The following WWC2 variants were observed in gnomAD, a reference collection of about 807,000 sequenced individuals.
WWC2 encodes the protein protein WWC2.
In WWC2, 101 loss-of-function variants were observed where a neutral mutation model predicts 138.5. The ratio of observed to expected loss-of-function variants is 0.73; its 90% CI spans 0.62 to 0.86. The LOEUF (loss-of-function observed/expected upper bound fraction) is 0.86. Among genes scored for constraint, WWC2 ranks in the 40% least tolerant of loss-of-function variants. The pLI, the probability that WWC2 is intolerant of heterozygous loss-of-function variation, is 0.00. For synonymous variants in WWC2, 558 were observed against 538.4 expected (o/e 1.04, Z -0.50); for missense variants, 1,420 against 1,419.4 (o/e 1.00, Z -0.01).
chr4:183,239,397 A>G (rs1736543060), intron 4 of WWC2, among the ~76,000 whole-genome samples: 2 of 152,114 alleles, frequency 1.3e-5, no homozygotes, highest in African/African-American at 2.4e-5. Context: ...TTGTGAGAAG[A>G]CCTTTATTAG....
intron 1 of WWC2, among the ~76,000 whole-genome samples, chr4:183,122,064 C>T (rs991040531): frequency 3.9e-5 from 6 of 152,154 alleles, no homozygotes; most frequent in Admixed American, 6.5e-5. Context: ...GGATTACAGG[C>T]GTGAGCCACC....
chr4:183,168,353 G>A (rs756128023), intron 1 of WWC2, among the ~76,000 whole-genome samples: 3 of 152,032 alleles, frequency 2.0e-5, no homozygotes, highest in African/African-American at 4.8e-5. Flanking sequence ...TTACTACAGT[G>A]TACAGTGAAA....
intron 1 of WWC2, among the ~76,000 whole-genome samples, chr4:183,155,142 A>C (rs1266306355): frequency 1.3e-5 from 2 of 151,392 alleles, no homozygotes; most frequent in African/African-American, 2.4e-5. Context: ...TAGGGCTGTC[A>C]TACTGCTTAT....
intron 8 of WWC2, among the ~76,000 whole-genome samples, chr4:183,250,541 CTA>C (rs1002074655): frequency 1.3e-5 from 2 of 152,084 alleles, no homozygotes; most frequent in African/African-American, 4.8e-5. Context: ...AATCCCTGTG[CTA>C]TCTTTTACTT....
At chr4:183,170,198 C>T (rs1403609343) in intron 1 of WWC2, among the ~76,000 whole-genome samples, 2 of 152,176 alleles carry the variant, frequency 1.3e-5, no homozygotes, top group Non-Finnish European at 2.9e-5. Context: ...GAATGATTTC[C>T]ACTGTAGAAA....
chr4:183,283,680 C>CTTT (rs1738154578), intron 18 of WWC2, among the ~76,000 whole-genome samples: 1 of 152,122 alleles, frequency 6.6e-6, no homozygotes, highest in Admixed American at 6.5e-5. Context: ...ATTTTTGTTA[C>CTTT]ATTTCTAAAG....
chr4:183,186,259 T>G (rs1423182466), intron 1 of WWC2, among the ~76,000 whole-genome samples: 4 of 152,230 alleles, frequency 2.6e-5, no homozygotes, highest in Non-Finnish European at 5.9e-5. Context: ...TAGAATATTG[T>G]AAGCATTGAA....
intron 21 of WWC2, among the ~76,000 whole-genome samples, chr4:183,305,444 C>G (rs1240843833): frequency 1.3e-5 from 2 of 152,000 alleles, no homozygotes; most frequent in Admixed American, 6.6e-5. Context: ...CACACACACA[C>G]AGAACATTAC....
chr4:183,159,010 G>A (rs13120522), intron 1 of WWC2, among the ~76,000 whole-genome samples: 17,123 of 152,128 alleles, frequency 0.11, 1,287 homozygotes, highest in East Asian at 0.18. Context: ...TGTGTGTTTT[G>A]TATATTATTC....
intron 1 of WWC2, among the ~76,000 whole-genome samples, chr4:183,137,209 A>G (rs1274353576): frequency 2.6e-5 from 4 of 152,144 alleles, no homozygotes; most frequent in Admixed American, 2.0e-4. Flanking sequence ...ATTTTTCTTC[A>G]GTAATCAATG....
intron 1 of WWC2, among the ~76,000 whole-genome samples, chr4:183,162,111 G>A (rs887336457): frequency 6.6e-6 from 1 of 152,170 alleles, no homozygotes; most frequent in African/African-American, 2.4e-5. Context: ...ATTGCGACTT[G>A]TTAAGATACA....
intron 1 of WWC2, among the ~76,000 whole-genome samples, chr4:183,160,008 G>T (rs537294998): frequency 1.3e-5 from 2 of 152,248 alleles, no homozygotes; most frequent in South Asian, 4.2e-4. Flanking sequence ...ACATATGTCA[G>T]TTATGATGGT....
intron 1 of WWC2, among the ~76,000 whole-genome samples, chr4:183,184,033 A>G (rs918524364): frequency 1.3e-5 from 2 of 152,214 alleles, no homozygotes; most frequent in African/African-American, 4.8e-5. Flanking sequence ...AAAATGATCA[A>G]TTCAGTGGCA....
Position 183,280,910 on chromosome 4 carries a change from T to C in WWC2, c.2684+13T>C, listed in dbSNP as rs142253262. 3.5e-5 allele frequency: 54 copies of C among 1,550,332 alleles called. No individual in the cohort carries two copies. The Admixed American group carries it at 6.2e-4, about 18-fold the overall frequency. On this transcript the variant is annotated intron_variant, in intron 17 of 22. Coordinates refer to ENST00000403733, the MANE Select transcript of WWC2 (RefSeq NM_024949.6). The stretch of plus-strand genomic sequence containing the variant: ...CAGATGGAGACTGGTTAAACACTTA[T>C]TTCCTTTGCTGTTGGGAGCTCAAAG...
At chr4:183,252,267 A>G (rs1737001534) in intron 8 of WWC2, among the ~76,000 whole-genome samples, 2 of 152,254 alleles carry the variant, frequency 1.3e-5, no homozygotes, top group African/African-American at 2.4e-5. Context: ...AACAATATCC[A>G]AAGTAATCAT....
chr4:183,300,783 A>C (rs1477351289), intron 21 of WWC2, among the ~76,000 whole-genome samples: 2 of 152,094 alleles, frequency 1.3e-5, no homozygotes, highest in Non-Finnish European at 2.9e-5. Context: ...CCAAGTTTCA[A>C]AGTAATTTTG....
intron 21 of WWC2, among the ~76,000 whole-genome samples, chr4:183,296,711 A>C (rs1738639785): frequency 6.6e-6 from 1 of 151,974 alleles, no homozygotes; most frequent in Admixed American, 6.5e-5. Flanking sequence ...AGGCGGGCGG[A>C]TCACGAGGTC....
intron 2 of WWC2, among the ~76,000 whole-genome samples, chr4:183,207,085 G>T (rs897275446): frequency 6.6e-6 from 1 of 152,186 alleles, no homozygotes. Context: ...TGTGAATGCT[G>T]TTGCAGAACA....
chr4:183,256,607 G>A (rs564598166), intron 9 of WWC2, among the ~76,000 whole-genome samples: 1 of 152,148 alleles, frequency 6.6e-6, no homozygotes, highest in Admixed American at 6.5e-5. Context: ...GCTGGCTGGA[G>A]CTTCTTTTGG....
Sources: allele counts gnomAD v4.1 joint callset (sites outside exome capture counted in the v4.1 genomes callset), GRCh38; gene constraint gnomAD v4.1.1; transcripts MANE v1.5; gene names NCBI Gene and HGNC (gene_info 2026-07-23, HGNC 2026-07-21).